The following NMT2 variants were observed in gnomAD, a reference collection of about 807,000 sequenced individuals.
NMT2 encodes glycylpeptide N-tetradecanoyltransferase 2.
In NMT2, 35 loss-of-function variants were observed where a neutral mutation model predicts 65.4. The observed-to-expected ratio is 0.54, with a 90% confidence interval of 0.41 to 0.71. The LOEUF is 0.71. NMT2 is among the 30% of genes least tolerant of loss of function. NMT2 has a pLI of 0.00. For missense variants in NMT2, 489 were observed against 611.3 expected (o/e 0.80, Z 2.11); for synonymous variants, 226 against 231.8 (o/e 0.98, Z 0.23).
At chr10:15,109,297 T>G in intron 11 of NMT2, 82 bp from the exon 12 acceptor site, 1 of 1,539,574 alleles carries the variant, frequency 6.5e-7, no homozygotes, top group Non-Finnish European at 8.8e-7. Context: ...AAAAGCTGTC[T>G]TAAGGCTCAG....
At chr10:15,138,321 G>T (rs1564576664) in intron 2 of NMT2, 2 of 470,222 alleles carry the variant, frequency 4.3e-6, no homozygotes, top group Admixed American at 2.4e-5. Flanking sequence ...CTATTTAAAT[G>T]CTTTCTGAAA....
chr10:15,128,337 C>T lies in NMT2; in HGVS notation c.999+13G>A. On this transcript the variant is annotated intron_variant, in intron 8 of 11. Transcript: ENST00000378165. ...GTTACAGCTTCAAAAAACTGCAAATCATTCTTACTTACATCTGGAAGTCTG... is the reference window on the plus strand; with the variant it reads ...GTTACAGCTTCAAAAAACTGCAAATTATTCTTACTTACATCTGGAAGTCTG... 6.9e-7 allele frequency: 1 copy of T among 1,439,224 alleles called. No individual in the cohort carries two copies. Among genetic ancestry groups the T allele is most frequent in the Non-Finnish European group, 9.8e-7 (1 of 1,022,906 alleles). The allele number at this position is 1,439,224 out of a possible 1,614,324, so 89.2% of individuals were successfully genotyped here.
intron 6 of NMT2, 46 bp downstream of exon 6, chr10:15,132,771 A>G: frequency 1.5e-6 from 2 of 1,370,174 alleles, no homozygotes; most frequent in Middle Eastern, 3.7e-4. Context: ...TGTAATTCTT[A>G]GAAAATAAAC....
intron 10 of NMT2, among the ~76,000 whole-genome samples, chr10:15,112,203 TA>T (rs1845564465): frequency 1.7e-4 from 3 of 17,682 alleles, no homozygotes; most frequent in African/African-American, 7.2e-4. Flanking sequence ...TATATATATA[TA>T]TATATATATA....
At chr10:15,113,961 C>T (rs1845660270) in intron 9 of NMT2, among the ~76,000 whole-genome samples, 1 of 152,126 alleles carries the variant, frequency 6.6e-6, no homozygotes, top group South Asian at 2.1e-4. Context: ...GTGTTTGAAT[C>T]GTGCGGCTGA....
At chr10:15,126,309 A>G (rs1471668408) in intron 8 of NMT2, among the ~76,000 whole-genome samples, 1 of 151,848 alleles carries the variant, frequency 6.6e-6, no homozygotes, top group Non-Finnish European at 1.5e-5. Flanking sequence ...CACACCTGTA[A>G]TCCCAGCTAC....
rs187047671 is a variant in NMT2, at chr10:15,109,235, G to A, written c.1477-20C>T. On this transcript the variant is annotated intron_variant, in intron 11 of 11. Coordinates refer to ENST00000378165, the MANE Select transcript of NMT2 (RefSeq NM_004808.3). ...TCCAACCTGAAGGGAGGGAAGAAAT[G>A]GAATAGTAAGAAAAATTAGATTGCA... 6.2e-7 allele frequency: 1 copy of A among 1,602,388 alleles called. No homozygotes were observed. The highest frequency in any genetic ancestry group is 1.8e-5 in the Admixed American group (1 of 56,468).
intron 6 of NMT2, among the ~76,000 whole-genome samples, chr10:15,132,116 C>T (rs538201005): frequency 2.5e-4 from 38 of 152,210 alleles, no homozygotes; most frequent in Admixed American, 1.3e-3. Flanking sequence ...CTGCCAGCCT[C>T]GGCCCCGACC....
intron 1 of NMT2, among the ~76,000 whole-genome samples, chr10:15,161,023 G>T (rs1252151006): frequency 7.4e-6 from 1 of 135,670 alleles, no homozygotes; most frequent in East Asian, 2.3e-4. Context: ...TGAGGTCAAG[G>T]TCAGGAGTTC....
At chr10:15,151,228 T>C (rs1470308806) in intron 1 of NMT2, among the ~76,000 whole-genome samples, 1 of 152,206 alleles carries the variant, frequency 6.6e-6, no homozygotes, top group Non-Finnish European at 1.5e-5. Flanking sequence ...TGGCTAATTT[T>C]GTATTTTTAG....
At chr10:15,111,670 T>A (rs1259617305) in intron 10 of NMT2, 1 of 152,056 alleles carries the variant, frequency 6.6e-6, no homozygotes, top group East Asian at 1.9e-4. Context: ...AAGCACTTTT[T>A]ATTTTTATTT....
intron 8 of NMT2, among the ~76,000 whole-genome samples, chr10:15,127,159 C>T (rs576003295): frequency 1.2e-3 from 187 of 151,976 alleles, no homozygotes; most frequent in Non-Finnish European, 1.9e-3. Flanking sequence ...TGTTTGAACC[C>T]GGGAGGCGGA....
intron 9 of NMT2, 103 bp downstream of exon 9, chr10:15,119,240 T>C: frequency 2.0e-6 from 2 of 989,854 alleles, no homozygotes; most frequent in Non-Finnish European, 3.1e-6. Context: ...CTTTGTAATG[T>C]TCTGTGATGA....
At chr10:15,158,989 G>A (rs976651418) in intron 1 of NMT2, among the ~76,000 whole-genome samples, 1 of 152,190 alleles carries the variant, frequency 6.6e-6, no homozygotes, top group African/African-American at 2.4e-5. Context: ...AATTGGCAGG[G>A]AGATACAATT....
Position 15,109,018 on chromosome 10 carries a change from A to C in NMT2, c.*177T>G. On this transcript the variant is annotated 3_prime_UTR_variant, in exon 12 of 12. Transcript: ENST00000378165. ...CAACAGTAAAAAAAGGATGAAGTTT[A>C]ACATTCTAGCTAGAAACGTACAAAT... 1 of 1,407,408 alleles carries C rather than the reference A, an allele frequency of 7.1e-7. No homozygotes were observed. The allele number at this position is 1,407,408 out of a possible 1,614,324, so 87.2% of individuals were successfully genotyped here. A position where few individuals can be genotyped will look rare whatever the true frequency, so the allele number is the denominator to read the frequency against.
chr10:15,147,095 CAAAAAAAAAAAAAAAAAAAAAA>C lies in NMT2; in HGVS notation c.111-5560_111-5539del, dbSNP rs34668178. Among the ~76,000 whole-genome samples, 216 of 44,512 alleles carry C rather than the reference CAAAAAAAAAAAAAAAAAAAAAA, an allele frequency of 4.9e-3. 2 individuals are homozygous for C. Among genetic ancestry groups the C allele is most frequent in the Non-Finnish European group, 9.5e-3 (186 of 19,612 alleles). The allele number at this position is 44,512 out of a possible 152,430, so 29.2% of individuals were successfully genotyped here. A position where few individuals can be genotyped will look rare whatever the true frequency, so the allele number is the denominator to read the frequency against. Reference sequence around the variant, plus strand: ...CAACAGCGAAAGATCCTCTCGCTCTCAAAAAAAAAAAAAAAAAAAAAAAAAAAAAAAAAAAAAAAAGTGACAT... The same window carrying C: ...CAACAGCGAAAGATCCTCTCGCTCTCAAAAAAAAAAAAAAAAAAGTGACAT... On this transcript the variant is annotated intron_variant, in intron 1 of 11. Coordinates refer to ENST00000378165, the MANE Select transcript of NMT2 (RefSeq NM_004808.3).
chr10:15,150,298 A>T (rs1832757346), intron 1 of NMT2, among the ~76,000 whole-genome samples: 1 of 152,206 alleles, frequency 6.6e-6, no homozygotes, highest in Non-Finnish European at 1.5e-5. Flanking sequence ...GTGACCATCA[A>T]ATTCGATAAT....
chr10:15,109,372 T>C (rs563064712), intron 11 of NMT2, among the ~76,000 whole-genome samples, 157 bp from the exon 12 acceptor site: 1 of 152,198 alleles, frequency 6.6e-6, no homozygotes, highest in South Asian at 2.1e-4. Flanking sequence ...GTCAGGAGTT[T>C]GAGACCAGCC....
intron 1 of NMT2, among the ~76,000 whole-genome samples, chr10:15,162,747 GAT>G (rs71287332): frequency 6.8e-6 from 1 of 147,104 alleles, no homozygotes; most frequent in African/African-American, 2.5e-5. Flanking sequence ...CTTATTGTTT[GAT>G]ATATATATAT....
Sources: allele counts gnomAD v4.1 joint callset (sites outside exome capture counted in the v4.1 genomes callset), GRCh38; gene constraint gnomAD v4.1.1; transcripts MANE v1.5; gene names NCBI Gene and HGNC (gene_info 2026-07-23, HGNC 2026-07-21).